The following GABRR2 variants were observed in gnomAD, a reference collection of about 807,000 sequenced individuals.
The protein encoded by GABRR2 is gamma-aminobutyric acid receptor subunit rho-2.
A neutral mutation model predicts 47.0 loss-of-function variants in GABRR2; 36 were observed. The ratio of observed to expected loss-of-function variants is 0.77; its 90% confidence interval spans 0.59 to 1.01. The LOEUF is 1.01. Ranked by LOEUF, GABRR2 falls within the 50% of genes least tolerant of loss-of-function variation. The pLI, the probability that GABRR2 is intolerant of heterozygous loss-of-function variation, is 0.00. For missense variants in GABRR2, 587 were observed against 594.6 expected (o/e 0.99, Z 0.13); for synonymous variants, 204 against 227.5 (o/e 0.90, Z 0.93).
At chr6:89,265,422 C>T (rs995361148) in intron 7 of GABRR2, among the ~76,000 whole-genome samples, 191 bp downstream of exon 7, 1 of 152,118 alleles carries the variant, frequency 6.6e-6, no homozygotes, top group African/African-American at 2.4e-5. Flanking sequence ...TTTTAGCTCC[C>T]TGTGGCTCTC....
chr6:89,262,780 T>G (rs1337553863), intron 8 of GABRR2, among the ~76,000 whole-genome samples: 2 of 152,246 alleles, frequency 1.3e-5, no homozygotes, highest in Non-Finnish European at 2.9e-5. Context: ...AATATGAGAT[T>G]TTCATGTCCC....
rs764644226 is a variant in GABRR2 at position 89,257,642 on chromosome 6, C to A, written c.*28G>T. 2 of 1,572,370 alleles carry A rather than the reference C, an allele frequency of 1.3e-6. No individual in the cohort carries two copies. The highest frequency in any genetic ancestry group is 3.5e-5 in the Admixed American group (2 of 57,030). On this transcript the variant is annotated 3_prime_UTR_variant, in exon 9 of 9. Coordinates refer to ENST00000402938, the MANE Select transcript of GABRR2 (RefSeq NM_002043.5). ...TGGCCAGGCCCCCTCGATGTCTATG[C>A]CCTCTTCTAGGAACAGCCTTGGAGC... is the stretch of plus-strand genomic sequence containing the variant.
chr6:89,277,165 C>T (rs1774175243), intron 2 of GABRR2, among the ~76,000 whole-genome samples: 1 of 152,128 alleles, frequency 6.6e-6, no homozygotes, highest in South Asian at 2.1e-4. Context: ...CCATGCTGTT[C>T]TCGTGATAGT....
chr6:89,301,779 C>A, intron 1 of GABRR2: 1 of 765,888 alleles, frequency 1.3e-6, no homozygotes. Context: ...CAGACACGCC[C>A]AGTATGAGGG....
At chr6:89,290,182 C>T (rs545720649) in intron 2 of GABRR2, among the ~76,000 whole-genome samples, 2 of 152,356 alleles carry the variant, frequency 1.3e-5, no homozygotes, top group East Asian at 3.9e-4. Context: ...TTCCTATCAG[C>T]CCAGAATGGC....
intron 8 of GABRR2, among the ~76,000 whole-genome samples, chr6:89,261,135 G>A (rs1773736863): frequency 6.6e-6 from 1 of 152,176 alleles, no homozygotes; most frequent in Non-Finnish European, 1.5e-5. Flanking sequence ...AGTTGTGCCG[G>A]TGAACCGTTC....
intron 1 of GABRR2, among the ~76,000 whole-genome samples, chr6:89,301,209 A>T (rs1345641457): frequency 3.9e-5 from 6 of 152,228 alleles, no homozygotes. Context: ...AACTCTTAAT[A>T]AACTAGGTAT....
chr6:89,302,089 G>A, intron 1 of GABRR2: 1 of 630,502 alleles, frequency 1.6e-6, no homozygotes, highest in Non-Finnish European at 3.0e-6. Context: ...ACTGGGCCAG[G>A]GGTCACTACA....
intron 2 of GABRR2, among the ~76,000 whole-genome samples, chr6:89,287,529 C>T (rs1774353560): frequency 6.6e-6 from 1 of 152,262 alleles, no homozygotes; most frequent in Admixed American, 6.5e-5. Context: ...CTTTGCAGTG[C>T]TGCATGCACC....
rs2183795 is a variant in GABRR2 at position 89,276,875 on chromosome 6, A to T, written c.221-5153T>A. 3.5e-3 allele frequency among the ~76,000 whole-genome samples: 527 copies of T among 152,338 alleles called. 1 individual carries two copies. Among genetic ancestry groups the T allele is most frequent in the African/African-American group, 0.012 (482 of 41,568 alleles). On this transcript the variant is annotated intron_variant, in intron 2 of 8. Transcript: ENST00000402938. ...ATTTTTTTAAAGTATCATTTATGAA[A>T]TCATCAAAAGTACCTAGAAATAAGT...
intron 2 of GABRR2, among the ~76,000 whole-genome samples, chr6:89,284,170 C>G (rs564326386): frequency 5.4e-4 from 82 of 152,168 alleles, no homozygotes; most frequent in African/African-American, 1.9e-3. Flanking sequence ...TGGGAAGTAC[C>G]AAGGGTACCT....
chr6:89,266,217 C>T (rs1225144597), intron 6 of GABRR2, among the ~76,000 whole-genome samples: 1 of 152,160 alleles, frequency 6.6e-6, no homozygotes, highest in Non-Finnish European at 1.5e-5. Flanking sequence ...TGTGTGCCAC[C>T]ATGCCCAGCT....
intron 1 of GABRR2, chr6:89,302,950 T>G: frequency 8.1e-7 from 1 of 1,230,710 alleles, no homozygotes; most frequent in Non-Finnish European, 1.1e-6. Context: ...CTTCCTACAC[T>G]GGTACATGGG....
At chr6:89,295,086 C>T (rs6454751) in intron 2 of GABRR2, among the ~76,000 whole-genome samples, 120,070 of 151,954 alleles carry the variant, frequency 0.79, 48,185 homozygotes, top group East Asian at 0.98. Context: ...TTGTGAATAG[C>T]GCTGCAGTAA....
chr6:89,275,367 G>A (rs918713523), intron 2 of GABRR2, among the ~76,000 whole-genome samples: 12 of 152,186 alleles, frequency 7.9e-5, no homozygotes, highest in East Asian at 3.9e-4. Context: ...TCTACCTCCC[G>A]GGTTCAAGCG....
chr6:89,292,042 C>T (rs1447820663), intron 2 of GABRR2, among the ~76,000 whole-genome samples: 1 of 152,140 alleles, frequency 6.6e-6, no homozygotes, highest in Non-Finnish European at 1.5e-5. Context: ...GTCTGTCTTG[C>T]TGCCTACTGG....
chr6:89,275,342 C>T (rs554722044), intron 2 of GABRR2, among the ~76,000 whole-genome samples: 23 of 152,204 alleles, frequency 1.5e-4, no homozygotes, highest in African/African-American at 4.3e-4. Flanking sequence ...GGCATGATCT[C>T]GGCTCACTGC....
intron 8 of GABRR2, among the ~76,000 whole-genome samples, chr6:89,262,081 C>T (rs1050156587): frequency 9.9e-5 from 15 of 151,562 alleles, no homozygotes; most frequent in African/African-American, 3.6e-4. Context: ...ACTGACTAAC[C>T]AACCAACCCC....
chr6:89,260,948 T>G (rs1773731018), intron 8 of GABRR2, among the ~76,000 whole-genome samples: 1 of 152,234 alleles, frequency 6.6e-6, no homozygotes, highest in Non-Finnish European at 1.5e-5. Context: ...TTCTTGGTCT[T>G]AAATCCTACA....
Sources: allele counts gnomAD v4.1 joint callset (sites outside exome capture counted in the v4.1 genomes callset), GRCh38; gene constraint gnomAD v4.1.1; transcripts MANE v1.5; gene names NCBI Gene and HGNC (gene_info 2026-07-23, HGNC 2026-07-21).